The following BTRC variants were observed in gnomAD, a reference collection of about 807,000 sequenced individuals.
BTRC encodes the protein F-box/WD repeat-containing protein 1A.
In BTRC, 42 loss-of-function variants were observed where a neutral mutation model predicts 85.5. The ratio of observed to expected loss-of-function variants is 0.49; its 90% CI spans 0.38 to 0.64. BTRC has a LOEUF of 0.64. Among genes scored for constraint, BTRC ranks in the 30% least tolerant of loss-of-function variants. The pLI, the probability that BTRC is intolerant of heterozygous loss-of-function variation, is 0.00. For synonymous variants in BTRC, 255 were observed against 263.3 expected, an observed-to-expected ratio of 0.97 and a Z score of 0.30; for missense variants, 594 against 743.5, an observed-to-expected ratio of 0.80 and a Z score of 2.34.
intron 3 of BTRC, among the ~76,000 whole-genome samples, chr10:101,477,212 G>T (rs1406435546): frequency 6.6e-6 from 1 of 150,920 alleles, no homozygotes; most frequent in East Asian, 1.9e-4. Flanking sequence ...TGTTGGTCAG[G>T]CTGGTCTCAA....
intron 2 of BTRC, among the ~76,000 whole-genome samples, chr10:101,439,296 G>A (rs1944617877): frequency 6.6e-6 from 1 of 152,014 alleles, no homozygotes; most frequent in Non-Finnish European, 1.5e-5. Flanking sequence ...AGAACCACAA[G>A]GTACACGAGC....
Position 101,534,706 on chromosome 10 carries a change from C to T in BTRC, c.1143C>T (p.His381=). 2 of 1,614,158 alleles carry T rather than the reference C, an allele frequency of 1.2e-6. No individual in the cohort carries two copies. The highest frequency in any genetic ancestry group is 1.1e-5 in the South Asian group (1 of 91,080). The part of the protein sequence containing the change: ...NTGEMLNTLI[H]HCEAVLHLRF... ...GTGAAATGCTAAACACGTTGATTCA[C>T]CATTGTGAAGCAGTTCTGCACTTGC... Residue 381 remains histidine (H), a synonymous_variant, in exon 10 of 15, where the codon CAC becomes CAT. Coordinates refer to ENST00000370187, the MANE Select transcript of BTRC (RefSeq NM_033637.4).
intron 2 of BTRC, among the ~76,000 whole-genome samples, chr10:101,443,744 A>G (rs2134119091): frequency 6.6e-6 from 1 of 152,290 alleles, no homozygotes; most frequent in South Asian, 2.1e-4. Flanking sequence ...AAATGACTAT[A>G]ATTTGTACTT....
intron 4 of BTRC, among the ~76,000 whole-genome samples, chr10:101,499,671 T>C (rs1367046745): frequency 6.6e-6 from 1 of 151,730 alleles, no homozygotes; most frequent in Non-Finnish European, 1.5e-5. Flanking sequence ...CCATTCTCAC[T>C]GCTGCTCTCC....
At chr10:101,408,461 T>G (rs1943688606) in intron 1 of BTRC, among the ~76,000 whole-genome samples, 1 of 152,000 alleles carries the variant, frequency 6.6e-6, no homozygotes, top group Non-Finnish European at 1.5e-5. Context: ...CATGCACCAC[T>G]ATGCCTGGCT....
chr10:101,457,823 TTAA>T (rs1945120147), intron 2 of BTRC, among the ~76,000 whole-genome samples: 1 of 152,180 alleles, frequency 6.6e-6, no homozygotes, highest in South Asian at 2.1e-4. Flanking sequence ...ATTTAATTAA[TTAA>T]TTTTTTATTT....
At chr10:101,493,886 T>G (rs1946197782) in intron 4 of BTRC, among the ~76,000 whole-genome samples, 1 of 152,226 alleles carries the variant, frequency 6.6e-6, no homozygotes, top group Admixed American at 6.5e-5. Context: ...GCCAGGGTTC[T>G]GAAGCCTTTG....
intron 13 of BTRC, among the ~76,000 whole-genome samples, chr10:101,549,231 A>G (rs1232464294): frequency 3.3e-5 from 5 of 149,940 alleles, no homozygotes. Context: ...TCTTGAGTTC[A>G]AGACCAGCCT....
chr10:101,367,032 T>TATA lies in BTRC; in HGVS notation c.48+12804_48+12805insATA, dbSNP rs1564730851. Among the ~76,000 whole-genome samples the TATA allele has an allele frequency of 1.1e-4, 6 of 52,244 alleles. No homozygotes were observed. The South Asian group carries it at 1.8e-3, about 15-fold the overall frequency. 34.3% of individuals were successfully genotyped at this position (52,244 alleles called of 152,430 possible). ...TATATATATATTTATATTTATATAT[T>TATA]TATATATATAAATATATATATATAT... On this transcript the variant is annotated intron_variant, in intron 1 of 14. Coordinates refer to ENST00000370187, the MANE Select transcript of BTRC (RefSeq NM_033637.4).
intron 4 of BTRC, among the ~76,000 whole-genome samples, chr10:101,510,968 G>A (rs1259249297): frequency 6.6e-6 from 1 of 151,996 alleles, no homozygotes; most frequent in East Asian, 1.9e-4. Context: ...TTTGCAACTT[G>A]CTCTTATTAT....
In BTRC at chr10:101,526,087, G is replaced by C; in HGVS notation, c.631G>C (p.Val211Leu). 6.2e-7 allele frequency: 1 copy of C among 1,614,168 alleles called. No individual in the cohort carries two copies. The highest frequency in any genetic ancestry group is 2.2e-5 in the East Asian group (1 of 44,890). ...DAKSLCAAEL[V>L]CKEWYRVTSD... ...CAAATCACTATGTGCTGCTGAACTT[G>C]TGTGCAAGGAATGGTACCGAGTGAC... Residue 211 changes from valine to leucine, a missense_variant, in exon 6 of 15, where the codon GTG (valine) becomes CTG (leucine). Val to Leu is a conservative substitution (Grantham distance 32, BLOSUM62 1). Transcript: ENST00000370187.
chr10:101,386,083 C>T (rs1264324482), intron 1 of BTRC, among the ~76,000 whole-genome samples: 1 of 152,104 alleles, frequency 6.6e-6, no homozygotes, highest in Non-Finnish European at 1.5e-5. Flanking sequence ...TCTCATTCCC[C>T]TAGCTATTCA....
chr10:101,425,682 C>T (rs1445266998), intron 1 of BTRC, among the ~76,000 whole-genome samples: 2 of 149,596 alleles, frequency 1.3e-5, no homozygotes, highest in Non-Finnish European at 3.0e-5. Flanking sequence ...TGGTGGTGCA[C>T]GCCTGTAGTC....
intron 1 of BTRC, among the ~76,000 whole-genome samples, chr10:101,397,687 C>G (rs1341229488): frequency 3.9e-5 from 6 of 152,082 alleles, no homozygotes; most frequent in African/African-American, 1.4e-4. Flanking sequence ...CCTCTTTCCC[C>G]CATTTCTCAC....
intron 2 of BTRC, among the ~76,000 whole-genome samples, chr10:101,454,342 G>C (rs1327883733): frequency 1.3e-5 from 2 of 152,046 alleles, no homozygotes; most frequent in Admixed American, 6.6e-5. Context: ...AATTTAGTTA[G>C]GGAATTTCCA....
intron 3 of BTRC, among the ~76,000 whole-genome samples, chr10:101,471,734 A>G (rs572009144): frequency 6.9e-4 from 105 of 152,216 alleles, no homozygotes; most frequent in African/African-American, 2.5e-3. Flanking sequence ...GATTTTTTAA[A>G]CTTATTATTT....
intron 1 of BTRC, among the ~76,000 whole-genome samples, chr10:101,370,904 A>C (rs1290332052): frequency 6.6e-6 from 1 of 152,106 alleles, no homozygotes; most frequent in Admixed American, 6.6e-5. Context: ...ATTTATCTGC[A>C]CACACAGACA....
At chr10:101,541,424 T>C (rs2062467076) in intron 13 of BTRC, among the ~76,000 whole-genome samples, 2 of 152,134 alleles carry the variant, frequency 1.3e-5, no homozygotes, top group Non-Finnish European at 1.5e-5. Flanking sequence ...CATGCCCGGC[T>C]GATTTTTTGT....
intron 4 of BTRC, among the ~76,000 whole-genome samples, chr10:101,503,831 TC>T (rs1197288172): frequency 6.6e-6 from 1 of 152,258 alleles, no homozygotes; most frequent in Non-Finnish European, 1.5e-5. Flanking sequence ...AAGGCTTTTT[TC>T]AGGAGCAAGT....
Sources: allele counts gnomAD v4.1 joint callset (sites outside exome capture counted in the v4.1 genomes callset), GRCh38; gene constraint gnomAD v4.1.1; transcripts MANE v1.5; gene names NCBI Gene and HGNC (gene_info 2026-07-23, HGNC 2026-07-21).